Variants in FARP1 observed in about 807,000 individuals in gnomAD.
The protein encoded by FARP1 is FERM, ARH/RhoGEF and pleckstrin domain protein 1, also known as FERM, ARHGEF and pleckstrin domain-containing protein 1.
Under a neutral mutation model 128.8 loss-of-function variants are expected in FARP1, and 52 were observed. The observed-to-expected ratio is 0.40, with a 90% CI of 0.32 to 0.51. FARP1 has a LOEUF of 0.51. Among genes scored for constraint, FARP1 ranks in the 20% least tolerant of loss-of-function variants. FARP1 has a pLI of 0.45. For missense variants in FARP1, 1,333 were observed against 1,367.9 expected (o/e 0.97, Z 0.40); for synonymous variants, 580 against 551.8 (o/e 1.05, Z -0.72).
intron 17 of FARP1, among the ~76,000 whole-genome samples, chr13:98,429,798 C>G (rs1891941154): frequency 6.6e-6 from 1 of 152,218 alleles, no homozygotes; most frequent in South Asian, 2.1e-4. Flanking sequence ...GCCGCATTTT[C>G]CTCTCTGACT....
chr13:98,144,853 C>T (rs986932407), intron 1 of FARP1, among the ~76,000 whole-genome samples: 5 of 152,160 alleles, frequency 3.3e-5, no homozygotes, highest in African/African-American at 1.2e-4. Context: ...CCTCCTTCCA[C>T]AGTGTTCTCG....
chr13:98,415,854 A>G (rs1235322340), intron 16 of FARP1, among the ~76,000 whole-genome samples: 1 of 152,234 alleles, frequency 6.6e-6, no homozygotes, highest in African/African-American at 2.4e-5. Flanking sequence ...GATGGGTAAG[A>G]TCCGAATTCG....
chr13:98,260,856 G>A (rs1011527909), intron 2 of FARP1, among the ~76,000 whole-genome samples: 1 of 152,218 alleles, frequency 6.6e-6, no homozygotes, highest in Non-Finnish European at 1.5e-5. Flanking sequence ...GCCACAGATA[G>A]GATACAAAGG....
chr13:98,316,531 A>G (rs539800439), intron 2 of FARP1, among the ~76,000 whole-genome samples: 1 of 152,266 alleles, frequency 6.6e-6, no homozygotes, highest in Admixed American at 6.5e-5. Context: ...CTCCCCATCC[A>G]GGTGAGGCCC....
At chr13:98,446,867 T>C (rs1300439001) in intron 26 of FARP1, 50 bp downstream of exon 26, 1 of 1,593,884 alleles carries the variant, frequency 6.3e-7, no homozygotes, top group African/African-American at 1.3e-5. Context: ...GGACCCCCTC[T>C]TCCAAACATC....
chr13:98,359,566 G>A (rs2622334), intron 3 of FARP1, among the ~76,000 whole-genome samples: 9,022 of 152,248 alleles, frequency 0.059, 639 homozygotes, highest in African/African-American at 0.17. Context: ...ACAGCCACAG[G>A]CCACATACTG....
chr13:98,399,007 G>A (rs1433387397), intron 13 of FARP1: 2 of 152,148 alleles, frequency 1.3e-5, no homozygotes, highest in African/African-American at 2.4e-5. Flanking sequence ...GTTGATCAAT[G>A]GCAGTATACT....
At chr13:98,417,462 A>AGG (rs1351638811) in intron 16 of FARP1, among the ~76,000 whole-genome samples, 22 of 104,488 alleles carry the variant, frequency 2.1e-4, no homozygotes, top group African/African-American at 7.2e-4. Context: ...TTTGAAAAAA[A>AGG]AAAAAAAAAA....
In FARP1 at chr13:98,213,212, T is replaced by G. The variant is rs779398591; in HGVS notation, c.-23-8T>G. ...TGATGTGTTTTTCTTTCTCACTGCTTCCTGCAGATATTCTCTAAGCCGCTT... is the reference window on the plus strand; with the variant it reads ...TGATGTGTTTTTCTTTCTCACTGCTGCCTGCAGATATTCTCTAAGCCGCTT... On this transcript the variant is annotated splice_region_variant and splice_polypyrimidine_tract_variant and intron_variant, in intron 1 of 26. Transcript: ENST00000319562. 6.2e-7 allele frequency: 1 copy of G among 1,601,158 alleles called. No homozygotes were observed. The highest frequency in any genetic ancestry group is 1.7e-5 in the Admixed American group (1 of 57,394).
chr13:98,385,550 C>T, intron 7 of FARP1, 117 bp from the exon 8 acceptor site: 1 of 1,112,152 alleles, frequency 9.0e-7, no homozygotes, highest in Admixed American at 1.8e-5. Context: ...ATCGGGTAGC[C>T]CCAGTGTTTG....
chr13:98,174,528 C>CA (rs1456502419), intron 1 of FARP1, among the ~76,000 whole-genome samples: 1 of 152,168 alleles, frequency 6.6e-6, no homozygotes, highest in East Asian at 1.9e-4. Context: ...AGCCCTTTGA[C>CA]AGAACTGACA....
chr13:98,380,959 T>C (rs944875537), intron 6 of FARP1, among the ~76,000 whole-genome samples: 20 of 152,172 alleles, frequency 1.3e-4, no homozygotes, highest in South Asian at 8.3e-4. Flanking sequence ...GAATTTCACT[T>C]GCATATCTGG....
chr13:98,353,903 T>C (rs567617882), intron 3 of FARP1, among the ~76,000 whole-genome samples: 1 of 152,216 alleles, frequency 6.6e-6, no homozygotes, highest in East Asian at 1.9e-4. Flanking sequence ...ATAACACCCA[T>C]GTGAAATCTT....
chr13:98,177,683 C>G (rs1243770916), intron 1 of FARP1: 1 of 149,566 alleles, frequency 6.7e-6, no homozygotes, highest in East Asian at 2.1e-4. Flanking sequence ...AAAGGCTTCT[C>G]CCGCCCTTCC....
At chr13:98,150,344 T>A (rs1172536707) in intron 1 of FARP1, among the ~76,000 whole-genome samples, 1 of 152,232 alleles carries the variant, frequency 6.6e-6, no homozygotes, top group Non-Finnish European at 1.5e-5. Flanking sequence ...CTTTACTGTT[T>A]TTAATTTTTT....
intron 2 of FARP1, among the ~76,000 whole-genome samples, chr13:98,273,181 T>C (rs1414477017): frequency 6.6e-6 from 1 of 152,160 alleles, no homozygotes; most frequent in Non-Finnish European, 1.5e-5. Context: ...GATTCAGAGA[T>C]TCTTCAATGT....
At chr13:98,294,479 C>T (rs1200264394) in intron 2 of FARP1, among the ~76,000 whole-genome samples, 1 of 152,180 alleles carries the variant, frequency 6.6e-6, no homozygotes, top group Non-Finnish European at 1.5e-5. Context: ...TCCCACATGT[C>T]ATATTACTTA....
intron 2 of FARP1, chr13:98,245,451 G>T (rs1466445501): frequency 3.8e-6 from 2 of 527,442 alleles, no homozygotes; most frequent in South Asian, 8.2e-5. Context: ...TAAGTAATAC[G>T]AAGTGAGTAC....
chr13:98,365,333 CA>C, intron 3 of FARP1, 61 bp from the exon 4 acceptor site: 1 of 1,303,034 alleles, frequency 7.7e-7, no homozygotes, highest in Non-Finnish European at 1.1e-6. Context: ...AACAAAATCT[CA>C]AAATACTTGC....
Sources: gnomAD v4.1 joint callset for allele counts (sites outside exome capture counted in the v4.1 genomes callset) on GRCh38, gnomAD v4.1.1 for gene constraint, MANE v1.5 for transcripts, NCBI Gene and HGNC (gene_info 2026-07-23, HGNC 2026-07-21) for gene names.